The following ANO3 variants were observed in gnomAD, a reference collection of about 807,000 sequenced individuals.
ANO3 encodes anoctamin 3, also known as anoctamin-3.
Under a neutral mutation model 144.8 loss-of-function variants are expected in ANO3, and 99 were observed. The ratio of observed to expected loss-of-function variants is 0.68; its 90% CI spans 0.58 to 0.81. The LOEUF is 0.81. Ranked by LOEUF, ANO3 falls within the 30% of genes least tolerant of loss-of-function variation. The pLI, the probability that ANO3 is intolerant of heterozygous loss-of-function variation, is 0.00. For missense variants in ANO3, 905 were observed against 1,202.2 expected (o/e 0.75, Z 3.66); for synonymous variants, 414 against 392.6 (o/e 1.05, Z -0.64).
At chr11:26,610,789 CTATT>C (rs1466821077) in intron 17 of ANO3, among the ~76,000 whole-genome samples, 2 of 152,016 alleles carry the variant, frequency 1.3e-5, no homozygotes, top group Non-Finnish European at 2.9e-5. Context: ...CGGTAGATGA[CTATT>C]TATTACTGAT....
intron 17 of ANO3, among the ~76,000 whole-genome samples, chr11:26,611,375 G>A (rs907903212): frequency 3.3e-5 from 5 of 151,826 alleles, no homozygotes; most frequent in Admixed American, 1.3e-4. Flanking sequence ...TGAATTATTC[G>A]TTATTTAGAA....
intron 1 of ANO3, among the ~76,000 whole-genome samples, chr11:26,302,468 C>T (rs968274916): frequency 6.6e-6 from 1 of 152,102 alleles, no homozygotes; most frequent in Non-Finnish European, 1.5e-5. Flanking sequence ...GCACTTCAGC[C>T]TGGCAACAGA....
intron 1 of ANO3, among the ~76,000 whole-genome samples, chr11:26,352,287 C>A (rs1004484542): frequency 1.3e-5 from 2 of 152,170 alleles, no homozygotes; most frequent in Admixed American, 1.3e-4. Context: ...AAATAGTCAT[C>A]CACCTTGAGA....
intron 7 of ANO3, 105 bp downstream of exon 7, chr11:26,525,784 A>T: frequency 1.3e-6 from 1 of 790,360 alleles, no homozygotes; most frequent in Non-Finnish European, 2.0e-6. Context: ...TAGGAAGAAA[A>T]ATTCTATTGA....
At chr11:26,191,032 T>C (rs1163830807) in intron 1 of ANO3, among the ~76,000 whole-genome samples, 1 of 152,204 alleles carries the variant, frequency 6.6e-6, no homozygotes, top group African/African-American at 2.4e-5. Flanking sequence ...CCCAATAGGA[T>C]GTCTCACAAT....
chr11:26,444,866 G>A (rs1858648728), intron 3 of ANO3, among the ~76,000 whole-genome samples: 1 of 151,984 alleles, frequency 6.6e-6, no homozygotes, highest in Admixed American at 6.6e-5. Context: ...AACAGTGCTG[G>A]CTTATTAAGT....
intron 1 of ANO3, among the ~76,000 whole-genome samples, chr11:26,389,841 A>G (rs1856830128): frequency 1.3e-5 from 2 of 152,124 alleles, no homozygotes. Context: ...CTAGAATTCT[A>G]GAATTTAAAA....
At position 26,392,711 on chromosome 11, in the gene ANO3, G is replaced by A. The variant is rs16915629; in HGVS notation, c.47-49207G>A. On this transcript the variant is annotated intron_variant, in intron 1 of 26. Transcript: ENST00000256737. ...TTATCTTGAATTTTTGTAGGAATTG[G>A]CATTACGTTTTTGAGAGAGAATGAA... 6.9e-3 allele frequency among the ~76,000 whole-genome samples: 1,047 copies of A among 152,112 alleles called. 12 individuals carry two copies. The highest frequency in any genetic ancestry group is 0.024 in the African/African-American group (991 of 41,482).
intron 1 of ANO3, among the ~76,000 whole-genome samples, chr11:26,336,089 C>T (rs1022580630): frequency 2.6e-5 from 4 of 152,144 alleles, no homozygotes; most frequent in African/African-American, 9.7e-5. Flanking sequence ...TGTCTTAGCA[C>T]ATCTTGTAAA....
In ANO3 at chr11:26,474,164, A is replaced by G. The variant is rs1028541401; in HGVS notation, c.432+11016A>G. On this transcript the variant is annotated intron_variant, in intron 4 of 26. Transcript: ENST00000256737. ...AAGTGCATCAATCTAGGAATTCTATACTATTTTTCTATTTTCTTAAACATA... is the reference window on the plus strand; with the variant it reads ...AAGTGCATCAATCTAGGAATTCTATGCTATTTTTCTATTTTCTTAAACATA... 30 of 927,090 alleles carry G rather than the reference A, an allele frequency of 3.2e-5. No homozygotes were observed. The African/African-American group carries it at 5.3e-4, about 17-fold the overall frequency. 57.4% of individuals were successfully genotyped at this position (927,090 alleles called of 1,614,324 possible). A position where few individuals can be genotyped will look rare whatever the true frequency, so the allele number is the denominator to read the frequency against.
At chr11:26,443,481 A>T (rs185625731) in intron 2 of ANO3, among the ~76,000 whole-genome samples, 2 of 152,270 alleles carry the variant, frequency 1.3e-5, no homozygotes, top group African/African-American at 4.8e-5. Flanking sequence ...GCACACCTAT[A>T]GTCCCAGCAA....
At chr11:26,220,946 G>T (rs1852131022) in intron 1 of ANO3, among the ~76,000 whole-genome samples, 1 of 152,134 alleles carries the variant, frequency 6.6e-6, no homozygotes, top group Non-Finnish European at 1.5e-5. Flanking sequence ...TGGCTCTTGG[G>T]TGCATACAGC....
chr11:26,289,650 ATATTCTATATG>A (rs1364805755), intron 1 of ANO3, among the ~76,000 whole-genome samples: 1 of 85,370 alleles, frequency 1.2e-5, no homozygotes, highest in Non-Finnish European at 2.2e-5. Flanking sequence ...ATACACACAT[ATATTCTATATG>A]TGTGTATATG....
At chr11:26,213,291 C>A (rs1851971857) in intron 1 of ANO3, among the ~76,000 whole-genome samples, 1 of 151,972 alleles carries the variant, frequency 6.6e-6, no homozygotes, top group Non-Finnish European at 1.5e-5. Context: ...GGAAATCAGG[C>A]AAGAGACATA....
chr11:26,505,195 G>T (rs902955406), intron 4 of ANO3, among the ~76,000 whole-genome samples: 1 of 151,918 alleles, frequency 6.6e-6, no homozygotes, highest in African/African-American at 2.4e-5. Flanking sequence ...TTTTCTTGAT[G>T]ATTTGAATGT....
At chr11:26,258,817 G>T (rs186267222) in intron 1 of ANO3, among the ~76,000 whole-genome samples, 16 of 152,208 alleles carry the variant, frequency 1.1e-4, no homozygotes, top group Admixed American at 8.5e-4. Flanking sequence ...AATTCAAAAT[G>T]CCCCTTTCAA....
chr11:26,456,520 A>G (rs1255099120), intron 3 of ANO3, among the ~76,000 whole-genome samples: 3 of 145,840 alleles, frequency 2.1e-5, no homozygotes, highest in Admixed American at 6.7e-5. Context: ...CAAAACCACA[A>G]TGAGATATCA....
At chr11:26,423,680 G>A (rs890972981) in intron 1 of ANO3, among the ~76,000 whole-genome samples, 3 of 151,920 alleles carry the variant, frequency 2.0e-5, no homozygotes, top group Admixed American at 6.6e-5. Flanking sequence ...TGCCAAGATC[G>A]TGGATATAGA....
intron 14 of ANO3, among the ~76,000 whole-genome samples, chr11:26,573,157 A>T (rs1850892785): frequency 6.6e-6 from 1 of 152,166 alleles, no homozygotes; most frequent in South Asian, 2.1e-4. Context: ...CTGCTGAGCG[A>T]GAAACGAAAC....
Sources: gnomAD v4.1 joint callset for allele counts (sites outside exome capture counted in the v4.1 genomes callset) on GRCh38, gnomAD v4.1.1 for gene constraint, MANE v1.5 for transcripts, NCBI Gene and HGNC (gene_info 2026-07-23, HGNC 2026-07-21) for gene names.